NKAIN2: variants seen among roughly 807,000 people sequenced by gnomAD.
The protein encoded by NKAIN2 is sodium/potassium-transporting ATPase subunit beta-1-interacting protein 2.
NKAIN2 carries 14 observed loss-of-function variants against 32.6 expected under a neutral mutation model. The observed-to-expected ratio is 0.43, with a 90% CI of 0.28 to 0.67. NKAIN2 has a LOEUF of 0.67. Among genes scored for constraint, NKAIN2 ranks in the 30% least tolerant of loss-of-function variants. The pLI, the probability that NKAIN2 is intolerant of heterozygous loss-of-function variation, is 0.17. For missense variants in NKAIN2, 198 were observed against 258.3 expected (o/e 0.77, Z 1.60); for synonymous variants, 80 against 87.2 (o/e 0.92, Z 0.46).
intron 1 of NKAIN2, among the ~76,000 whole-genome samples, chr6:124,258,403 G>T (rs953070944): frequency 1.3e-5 from 2 of 152,124 alleles, no homozygotes; most frequent in African/African-American, 4.8e-5. Context: ...TTTGGTAGAA[G>T]TCCTTGAACC....
chr6:124,338,539 T>C (rs1188731214), intron 2 of NKAIN2, among the ~76,000 whole-genome samples: 1 of 152,182 alleles, frequency 6.6e-6, no homozygotes. Context: ...ATTAGGTATA[T>C]TTTTCTAGGC....
chr6:124,415,967 CT>C (rs1223676469), intron 3 of NKAIN2, among the ~76,000 whole-genome samples: 3 of 127,196 alleles, frequency 2.4e-5, no homozygotes, highest in Non-Finnish European at 4.7e-5. Flanking sequence ...AATATTTGAT[CT>C]TTGGTTATAG....
At chr6:123,842,851 C>T (rs9490964) in intron 1 of NKAIN2, among the ~76,000 whole-genome samples, 10,400 of 152,124 alleles carry the variant, frequency 0.068, 1,010 homozygotes, top group African/African-American at 0.22. Flanking sequence ...GAGGCTCCTT[C>T]CTCTTATCTG....
chr6:124,791,089 G>T (rs1393279744), intron 4 of NKAIN2, among the ~76,000 whole-genome samples: 1 of 152,108 alleles, frequency 6.6e-6, no homozygotes, highest in African/African-American at 2.4e-5. Context: ...GTTTTAGATT[G>T]CCTGGCAATT....
rs56007386 is a variant in NKAIN2, at chr6:124,281,784, T to G, written c.55-1221T>G. Among the ~76,000 whole-genome samples, 949 of 152,308 alleles carry G rather than the reference T, an allele frequency of 6.2e-3. 12 individuals carry two copies. The highest frequency in any genetic ancestry group is 0.022 in the African/African-American group (895 of 41,556). The stretch of plus-strand genomic sequence containing the variant: ...CAGTAGGAATAATGATCATTCAAGA[T>G]GTCTTCAAACTGAGCTACAGATATT... On this transcript the variant is annotated intron_variant, in intron 1 of 6. Coordinates refer to ENST00000368417, the MANE Select transcript of NKAIN2 (RefSeq NM_001040214.3).
In NKAIN2 at chr6:123,851,542, C is replaced by T. The variant is rs115714608; in HGVS notation, c.54+47288C>T. On this transcript the variant is annotated intron_variant, in intron 1 of 6. Transcript: ENST00000368417. ...TTGAGATTACAGTTATGAGCCACCA[C>T]GCCCAGCTGTTTTTTATTTTTTGAG... is the stretch of plus-strand genomic sequence containing the variant. 3.1e-3 allele frequency among the ~76,000 whole-genome samples: 478 copies of T among 152,204 alleles called. 4 individuals are homozygous for T. The highest frequency in any genetic ancestry group is 0.011 in the African/African-American group (459 of 41,530).
intron 4 of NKAIN2, among the ~76,000 whole-genome samples, chr6:124,709,222 G>C (rs1482535792): frequency 6.7e-6 from 1 of 148,578 alleles, no homozygotes; most frequent in Non-Finnish European, 1.5e-5. Context: ...TTTTTGATGT[G>C]CTGCTGGATT....
chr6:124,139,383 C>T (rs368737430), intron 1 of NKAIN2, among the ~76,000 whole-genome samples: 11 of 151,866 alleles, frequency 7.2e-5, no homozygotes, highest in South Asian at 6.2e-4. Flanking sequence ...CCACCGCGCC[C>T]GGCCTAAATA....
intron 3 of NKAIN2, among the ~76,000 whole-genome samples, chr6:124,363,708 C>T (rs1799394245): frequency 1.3e-5 from 2 of 152,160 alleles, no homozygotes; most frequent in African/African-American, 4.8e-5. Context: ...AATCCAGGCT[C>T]AACTCAGCAC....
intron 1 of NKAIN2, among the ~76,000 whole-genome samples, chr6:124,144,251 A>G (rs2114350734): frequency 6.6e-6 from 1 of 152,322 alleles, no homozygotes; most frequent in African/African-American, 2.4e-5. Context: ...ATTTTGTCCT[A>G]TCATATGAGG....
At chr6:123,875,949 G>C (rs1478431189) in intron 1 of NKAIN2, among the ~76,000 whole-genome samples, 3 of 151,892 alleles carry the variant, frequency 2.0e-5, no homozygotes, top group Admixed American at 1.3e-4. Context: ...TATACCCCAG[G>C]AAGTTTCAGG....
chr6:124,743,462 C>T (rs1005904542), intron 4 of NKAIN2, among the ~76,000 whole-genome samples: 2 of 151,580 alleles, frequency 1.3e-5, no homozygotes, highest in East Asian at 4.0e-4. Context: ...CAATAAATTG[C>T]CATTTATTCT....
At chr6:124,057,950 A>C (rs1782738327) in intron 1 of NKAIN2, among the ~76,000 whole-genome samples, 1 of 152,084 alleles carries the variant, frequency 6.6e-6, no homozygotes, top group East Asian at 1.9e-4. Flanking sequence ...AAGGAAAAAG[A>C]AAATTAGGTA....
chr6:124,215,720 C>T (rs981893587), intron 1 of NKAIN2, among the ~76,000 whole-genome samples: 1 of 152,088 alleles, frequency 6.6e-6, no homozygotes, highest in Non-Finnish European at 1.5e-5. Context: ...AACATGTTTT[C>T]CTGCAGTGTT....
intron 3 of NKAIN2, among the ~76,000 whole-genome samples, chr6:124,358,954 G>A (rs1260031792): frequency 2.7e-5 from 4 of 150,694 alleles, no homozygotes; most frequent in African/African-American, 4.9e-5. Flanking sequence ...TTTGTATAAG[G>A]TGTAAGGAAG....
chr6:124,312,779 G>A (rs1196527902), intron 2 of NKAIN2, among the ~76,000 whole-genome samples: 2 of 152,170 alleles, frequency 1.3e-5, no homozygotes, highest in East Asian at 1.9e-4. Flanking sequence ...CTGAGTGGGG[G>A]AAACCCAGCA....
At chr6:124,486,458 T>C (rs1240658598) in intron 3 of NKAIN2, among the ~76,000 whole-genome samples, 1 of 152,208 alleles carries the variant, frequency 6.6e-6, no homozygotes, top group African/African-American at 2.4e-5. Flanking sequence ...GATTTCTGTG[T>C]ATTATTCTGT....
chr6:124,514,971 G>A (rs965331457), intron 3 of NKAIN2, among the ~76,000 whole-genome samples: 1 of 151,874 alleles, frequency 6.6e-6, no homozygotes, highest in African/African-American at 2.4e-5. Context: ...GAACATAAAG[G>A]GAAATAAAAT....
intron 1 of NKAIN2, among the ~76,000 whole-genome samples, chr6:124,064,097 C>T (rs982486732): frequency 3.3e-5 from 5 of 151,844 alleles, no homozygotes; most frequent in African/African-American, 1.2e-4. Flanking sequence ...ACTACAGGTG[C>T]CTGCCACCAT....
Sources: allele counts gnomAD v4.1 joint callset (sites outside exome capture counted in the v4.1 genomes callset), GRCh38; gene constraint gnomAD v4.1.1; transcripts MANE v1.5; gene names NCBI Gene and HGNC (gene_info 2026-07-23, HGNC 2026-07-21).